KLHL14: variants seen among roughly 807,000 people sequenced by gnomAD.
KLHL14 encodes the protein kelch-like protein 14.
Under a neutral mutation model 64.3 loss-of-function variants are expected in KLHL14, and 22 were observed. The observed-to-expected ratio is 0.34, with a 90% CI of 0.24 to 0.49. The LOEUF (loss-of-function observed/expected upper bound fraction) is 0.49. KLHL14 is among the 20% of genes least tolerant of loss of function. The pLI, the probability that KLHL14 is intolerant of heterozygous loss-of-function variation, is 0.99. For synonymous variants in KLHL14, 322 were observed against 333.4 expected (o/e 0.97, Z 0.37); for missense variants, 661 against 789.0 (o/e 0.84, Z 1.94).
chr18:32,760,075 C>A lies in KLHL14; in HGVS notation c.947+9570G>T, dbSNP rs77748371. Among the ~76,000 whole-genome samples, 337 of 152,212 alleles carry A rather than the reference C, an allele frequency of 2.2e-3. 4 individuals are homozygous for A. In the East Asian group the frequency reaches 0.033, roughly 15 times the overall value. On this transcript the variant is annotated intron_variant, in intron 2 of 8. Transcript: ENST00000359358. ...GATGTGGTTGGTTTTGAGGGGTGCT[C>A]AAAATCAGAGCCAAACAGCCCTCTG...
intron 3 of KLHL14, among the ~76,000 whole-genome samples, chr18:32,701,236 T>TC (rs2049964915): frequency 6.6e-6 from 1 of 152,158 alleles, no homozygotes; most frequent in Non-Finnish European, 1.5e-5. Flanking sequence ...AATACACAAC[T>TC]GAACGAGGCA....
chr18:32,683,946 C>T lies in KLHL14; in HGVS notation c.1238+3209G>A, dbSNP rs554609767. 5.3e-5 allele frequency among the ~76,000 whole-genome samples: 8 copies of T among 152,238 alleles called. No homozygotes were observed. The highest frequency in any genetic ancestry group is 1.3e-4 in the Admixed American group (2 of 15,286). On this transcript the variant is annotated intron_variant, in intron 5 of 8. Transcript: ENST00000359358. The surrounding 1 kb of genome is among the most constrained non-coding windows in gnomAD (Gnocchi z 4.2). The stretch of plus-strand genomic sequence containing the variant: ...AAAACAAAATATTTAAAATTTGATG[C>T]ATTTTTGACATATTAAGTTCTTGTC...
intron 3 of KLHL14, among the ~76,000 whole-genome samples, chr18:32,699,584 G>A (rs773430658): frequency 6.6e-6 from 1 of 151,924 alleles, no homozygotes; most frequent in Non-Finnish European, 1.5e-5. Flanking sequence ...TCCAAACATG[G>A]GGATATCTGG....
intron 7 of KLHL14, among the ~76,000 whole-genome samples, chr18:32,678,634 T>C (rs2049822865): frequency 6.6e-6 from 1 of 152,186 alleles, no homozygotes; most frequent in African/African-American, 2.4e-5. Flanking sequence ...TCTGTGACAA[T>C]GTTATACATG....
intron 8 of KLHL14, 68 bp from the exon 9 acceptor site, chr18:32,674,865 C>A: frequency 1.4e-6 from 1 of 704,530 alleles, no homozygotes; most frequent in South Asian, 1.6e-5. Flanking sequence ...TGTTACTGAT[C>A]ATATTTATTA....
At chr18:32,753,094 G>C (rs1336622649) in intron 2 of KLHL14, among the ~76,000 whole-genome samples, 1 of 151,756 alleles carries the variant, frequency 6.6e-6, no homozygotes, top group African/African-American at 2.4e-5. Flanking sequence ...GGCTTCATGG[G>C]TTAATTATTT....
chr18:32,698,979 A>C (rs1291359224), intron 3 of KLHL14, among the ~76,000 whole-genome samples: 1 of 152,218 alleles, frequency 6.6e-6, no homozygotes, highest in East Asian at 1.9e-4. Context: ...TTTACTCTGC[A>C]GAATGACTAA....
chr18:32,731,796 A>C (rs2050138287), intron 3 of KLHL14, among the ~76,000 whole-genome samples: 1 of 152,048 alleles, frequency 6.6e-6, no homozygotes. Context: ...ACATACAATA[A>C]ATACTAGAAA....
intron 3 of KLHL14, among the ~76,000 whole-genome samples, chr18:32,722,797 A>G (rs2050086308): frequency 6.6e-6 from 1 of 152,102 alleles, no homozygotes; most frequent in African/African-American, 2.4e-5. Context: ...CTGTCTCACA[A>G]TTAAGAAATT....
At chr18:32,720,145 C>T (rs1246008011) in intron 3 of KLHL14, among the ~76,000 whole-genome samples, 2 of 152,154 alleles carry the variant, frequency 1.3e-5, no homozygotes, top group Non-Finnish European at 2.9e-5. Flanking sequence ...TTAGCAAAAA[C>T]TGGAGGAAGA....
chr18:32,705,391 CATT>C (rs1441509796), intron 3 of KLHL14, among the ~76,000 whole-genome samples: 25 of 152,300 alleles, frequency 1.6e-4, no homozygotes, highest in African/African-American at 5.8e-4. Flanking sequence ...GTACCCTATA[CATT>C]ATTATTTATC....
intron 4 of KLHL14, among the ~76,000 whole-genome samples, chr18:32,693,413 C>CACACACACACACACAGAGAGAGAG (rs1229737083): frequency 8.2e-5 from 8 of 97,016 alleles, no homozygotes; most frequent in African/African-American, 3.9e-4. Flanking sequence ...CACACACACA[C>CACACACACACACACAGAGAGAGAG]AGAGAGAGAG....
In KLHL14 at chr18:32,767,091, C is replaced by A. The variant is rs116637255; in HGVS notation, c.947+2554G>T. On this transcript the variant is annotated intron_variant, in intron 2 of 8. Coordinates refer to ENST00000359358, the MANE Select transcript of KLHL14 (RefSeq NM_020805.3). The stretch of plus-strand genomic sequence containing the variant: ...ACAGGTGGATAAAAAGTAATAAATA[C>A]AAGGTCCTTCTATTCAATTGTCTTC... 2.9e-3 allele frequency among the ~76,000 whole-genome samples: 437 copies of A among 152,198 alleles called. 4 individuals carry two copies. The highest frequency in any genetic ancestry group is 0.01 in the African/African-American group (425 of 41,550).
intron 3 of KLHL14, among the ~76,000 whole-genome samples, chr18:32,705,856 C>T (rs886688198): frequency 6.6e-6 from 1 of 152,164 alleles, no homozygotes. Context: ...TTTTGGACAG[C>T]GGGCCTGCTC....
In KLHL14 at chr18:32,770,406, G is replaced by C. The variant is rs747137371; in HGVS notation, c.186C>G (p.Phe62Leu). ...CTCCCCCGAGAGGGGGGTGGCTGGA[G>C]AAGAGCGATCGGAAGTACTGCGAGC... is the stretch of plus-strand genomic sequence containing the variant. ...ASCSQYFRSL[F>L]SSHPPLGGGV... Residue 62 changes from phenylalanine to leucine, a missense_variant, in exon 2 of 9, where the codon TTC becomes TTG. This residue lies in a region of KLHL14 where 331 missense variants were observed against 339.0 expected (regional missense o/e 0.98). Coordinates refer to ENST00000359358, the MANE Select transcript of KLHL14 (RefSeq NM_020805.3). The surrounding 1 kb of genome is among the most constrained non-coding windows in gnomAD (Gnocchi z 6.7). The C allele has an allele frequency of 1.2e-6, 2 of 1,602,840 alleles. No homozygotes were observed. The highest frequency in any genetic ancestry group is 1.7e-6 in the Non-Finnish European group (2 of 1,173,674).
rs756316169 is a variant in KLHL14 at position 32,769,781 on chromosome 18, C to T, written c.811G>A (p.Ala271Thr). ...MKRLRFALIP[A>T]PELVERVQSV... ...TGGACCCGCTCCACCAGCTCCGGGG[C>T]CGGGATGAGGGCGAAGCGGAGGCGC... The change falls in exon 2 of 9, where the codon GCC becomes ACC. Residue 271 changes from alanine to threonine, a missense_variant. Around this residue, in one of 2 missense-constraint regions of KLHL14, gnomAD observed 330 missense variants for 450.0 expected, o/e 0.73. Transcript: ENST00000359358. The T allele has an allele frequency of 6.2e-7, 1 of 1,609,664 alleles. No individual in the cohort carries two copies. Among genetic ancestry groups the T allele is most frequent in the South Asian group, 1.1e-5 (1 of 90,730 alleles).
chr18:32,740,743 C>T (rs2050191914), intron 3 of KLHL14: 2 of 152,124 alleles, frequency 1.3e-5, no homozygotes, highest in African/African-American at 4.8e-5. Context: ...CTTTCTTCTC[C>T]TTAATCTTGC....
intron 3 of KLHL14, among the ~76,000 whole-genome samples, chr18:32,728,129 G>T (rs2050116836): frequency 6.6e-6 from 1 of 152,120 alleles, no homozygotes; most frequent in South Asian, 2.1e-4. Context: ...TAGGATGCTG[G>T]TATATTCTAT....
At chr18:32,721,449 A>C (rs2050079537) in intron 3 of KLHL14, among the ~76,000 whole-genome samples, 1 of 152,212 alleles carries the variant, frequency 6.6e-6, no homozygotes, top group Non-Finnish European at 1.5e-5. Flanking sequence ...AAAGGAAAAG[A>C]GTGACTTTCA....
Sources: gnomAD v4.1 joint callset for allele counts (sites outside exome capture counted in the v4.1 genomes callset) on GRCh38, gnomAD v4.1.1 for gene constraint, gnomAD v4.1.1 regional missense constraint, Gnocchi (gnomAD v3.1) non-coding constraint, MANE v1.5 for transcripts, NCBI Gene and HGNC (gene_info 2026-07-23, HGNC 2026-07-21) for gene names.